CSMD2: variants seen among roughly 807,000 people sequenced by gnomAD.
The protein encoded by CSMD2 is CUB and sushi domain-containing protein 2.
CSMD2 carries 130 observed loss-of-function variants against 398.5 expected under a neutral mutation model. The observed-to-expected ratio is 0.33, with a 90% CI of 0.28 to 0.38. The LOEUF (loss-of-function observed/expected upper bound fraction) is 0.38, where lower values mean the gene tolerates loss of function less well. CSMD2 is among the 10% of genes least tolerant of loss of function. The pLI is 1.00. For missense variants in CSMD2, 3,829 were observed against 4,764.9 expected, an observed-to-expected ratio of 0.80 and a Z score of 5.78; for synonymous variants, 1,828 against 1,908.5, an observed-to-expected ratio of 0.96 and a Z score of 1.10.
intron 5 of CSMD2, among the ~76,000 whole-genome samples, chr1:33,859,780 A>C (rs573149718): frequency 3.3e-5 from 5 of 152,178 alleles, no homozygotes; most frequent in Non-Finnish European, 7.4e-5. Flanking sequence ...GGTTTTGGAA[A>C]GCTTAGGTGA....
In CSMD2 at chr1:33,519,432, C is replaced by T; in HGVS notation, c.*53+33G>A. On this transcript the variant is annotated intron_variant, in intron 70 of 70. Coordinates refer to ENST00000373381, the MANE Select transcript of CSMD2 (RefSeq NM_001281956.2). This position sits in a 1 kb window ranked among gnomAD's most constrained non-coding sequence, Gnocchi z 5.6. ...CGCATAGGTCCCTGTCTGTGCTTGT[C>T]ATGGCCTGTCTTCCTCCCACACCCC... 7.2e-7 allele frequency: 1 copy of T among 1,395,228 alleles called. No individual in the cohort carries two copies. The highest frequency in any genetic ancestry group is 2.3e-5 in the East Asian group (1 of 43,802). The allele number at this position is 1,395,228 out of a possible 1,614,324, so 86.4% of individuals were successfully genotyped here.
intron 13 of CSMD2, among the ~76,000 whole-genome samples, chr1:33,771,214 C>G (rs534574805): frequency 6.6e-6 from 1 of 152,170 alleles, no homozygotes; most frequent in African/African-American, 2.4e-5. Flanking sequence ...CCTTTATCTT[C>G]TCAGGCCCTG....
intron 14 of CSMD2, among the ~76,000 whole-genome samples, chr1:33,740,282 TCCGAAGCCAGG>T (rs1647015062): frequency 1.3e-5 from 2 of 151,066 alleles, no homozygotes; most frequent in South Asian, 2.1e-4. Context: ...ACTAAATGTC[TCCGAAGCCAGG>T]CTCTATTTTC....
At chr1:34,013,276 GCT>G (rs1428817297) in intron 3 of CSMD2, among the ~76,000 whole-genome samples, 1 of 152,188 alleles carries the variant, frequency 6.6e-6, no homozygotes, top group Non-Finnish European at 1.5e-5. Context: ...GAGCTTCTGT[GCT>G]CTGTGCCATG....
At chr1:33,521,956 A>G (rs1654343795) in intron 67 of CSMD2, among the ~76,000 whole-genome samples, 1 of 152,126 alleles carries the variant, frequency 6.6e-6, no homozygotes. Context: ...TGTGATGAAA[A>G]ACCGCCTTTT....
At chr1:33,579,496 G>C (rs1430534950) in intron 48 of CSMD2, among the ~76,000 whole-genome samples, 1 of 151,858 alleles carries the variant, frequency 6.6e-6, no homozygotes, top group African/African-American at 2.4e-5. Flanking sequence ...TTCTCCCAGG[G>C]GCCCTCAGCT....
chr1:33,697,918 C>T (rs975289732), intron 24 of CSMD2, among the ~76,000 whole-genome samples: 2 of 152,148 alleles, frequency 1.3e-5, no homozygotes, highest in African/African-American at 4.8e-5. Context: ...ATGTGTTTTT[C>T]CAGTGGAGGT....
intron 13 of CSMD2, among the ~76,000 whole-genome samples, chr1:33,748,983 C>T (rs1027299080): frequency 6.7e-6 from 1 of 150,236 alleles, no homozygotes; most frequent in African/African-American, 2.5e-5. Flanking sequence ...AACTAGACAT[C>T]AATAAGAAAA....
chr1:33,856,643 C>T (rs985037633), intron 5 of CSMD2, among the ~76,000 whole-genome samples: 4 of 152,122 alleles, frequency 2.6e-5, no homozygotes, highest in Non-Finnish European at 5.9e-5. Context: ...ATGTATGTCC[C>T]TTCCCCTGTT....
intron 5 of CSMD2, among the ~76,000 whole-genome samples, chr1:33,913,522 C>T (rs1389624094): frequency 2.0e-5 from 3 of 152,196 alleles, no homozygotes; most frequent in Non-Finnish European, 4.4e-5. Flanking sequence ...TATGGTGAGC[C>T]AGGCAGCAGT....
chr1:33,982,204 G>T (rs1021863338), intron 3 of CSMD2, among the ~76,000 whole-genome samples: 15 of 152,120 alleles, frequency 9.9e-5, no homozygotes, highest in Non-Finnish European at 1.9e-4. Context: ...TTTCTTGGGG[G>T]GCTACTGGAT....
chr1:33,875,777 G>A (rs1640797867), intron 5 of CSMD2, among the ~76,000 whole-genome samples: 2 of 152,170 alleles, frequency 1.3e-5, no homozygotes, highest in African/African-American at 4.8e-5. Context: ...TGGTAAAGAA[G>A]CAGCCATCAC....
At chr1:34,076,127 G>A (rs1656296929) in intron 2 of CSMD2, among the ~76,000 whole-genome samples, 1 of 152,218 alleles carries the variant, frequency 6.6e-6, no homozygotes, top group African/African-American at 2.4e-5. Flanking sequence ...GAGTCATTGG[G>A]AGATGAATAG....
intron 1 of CSMD2, among the ~76,000 whole-genome samples, chr1:34,156,273 T>A (rs1028417727): frequency 2.6e-5 from 4 of 152,142 alleles, no homozygotes; most frequent in Admixed American, 2.6e-4. Flanking sequence ...GAGGAAGCAA[T>A]GAAGGTTGGT....
intron 3 of CSMD2, among the ~76,000 whole-genome samples, chr1:33,989,061 T>G (rs1015229990): frequency 2.7e-4 from 30 of 110,828 alleles, no homozygotes; most frequent in Admixed American, 4.7e-4. Flanking sequence ...TATATATATA[T>G]ATATATATGG....
chr1:33,934,089 C>T (rs1223972069), intron 4 of CSMD2, among the ~76,000 whole-genome samples: 1 of 152,158 alleles, frequency 6.6e-6, no homozygotes, highest in Non-Finnish European at 1.5e-5. Context: ...AAAGTGTGTG[C>T]ATGTGGCAGG....
At chr1:33,949,288 G>A (rs1338156655) in intron 3 of CSMD2, among the ~76,000 whole-genome samples, 1 of 152,182 alleles carries the variant, frequency 6.6e-6, no homozygotes, top group Non-Finnish European at 1.5e-5. Context: ...GAAGATGCCA[G>A]GGCAGTGTGG....
intron 21 of CSMD2, among the ~76,000 whole-genome samples, chr1:33,711,673 C>T (rs1174174879): frequency 6.6e-6 from 1 of 152,172 alleles, no homozygotes; most frequent in Admixed American, 6.5e-5. Context: ...TGCCTCTTGC[C>T]CTCTGCCTAA....
intron 14 of CSMD2, among the ~76,000 whole-genome samples, chr1:33,740,348 G>A (rs1647018808): frequency 6.6e-6 from 1 of 151,960 alleles, no homozygotes; most frequent in South Asian, 2.1e-4. Flanking sequence ...TTCTGAGGAT[G>A]GCAGCTTTCC....
Sources: allele counts gnomAD v4.1 joint callset (sites outside exome capture counted in the v4.1 genomes callset), GRCh38; gene constraint gnomAD v4.1.1; non-coding constraint Gnocchi (gnomAD v3.1); transcripts MANE v1.5; gene names NCBI Gene and HGNC (gene_info 2026-07-23, HGNC 2026-07-21).